The following ARHGAP39 variants were observed in gnomAD, a reference collection of about 807,000 sequenced individuals.
ARHGAP39 encodes the protein Rho GTPase activating protein 39, also known as rho GTPase-activating protein 39.
In ARHGAP39, 44 loss-of-function variants were observed where a neutral mutation model predicts 106.9. The observed-to-expected ratio is 0.41, with a 90% CI of 0.32 to 0.53. The LOEUF (loss-of-function observed/expected upper bound fraction) is 0.53, where lower values mean the gene tolerates loss of function less well. Ranked by LOEUF, ARHGAP39 falls within the 20% of genes least tolerant of loss-of-function variation. The pLI is 0.21. For synonymous variants in ARHGAP39, 768 were observed against 693.2 expected (o/e 1.11, Z -1.69); for missense variants, 1,496 against 1,577.3 (o/e 0.95, Z 0.87).
Position 144,534,152 on chromosome 8 carries a change from C to T in ARHGAP39, c.2665G>A (p.Ala889Thr). The change falls in exon 8 of 12, where the codon GCA becomes ACA. Residue 889 changes from alanine (A) to threonine (T), a missense_variant. Transcript: ENST00000377307. ...ACCTTCTTGGCCCCGGTCAGGGCTG[C>T]CTTCTGTAGCTTGTGGTAACAGTAC... The part of the protein sequence containing the change: ...AKYCYHKLQK[A>T]ALTGAKKGLK... 1 of 1,613,324 alleles carries T rather than the reference C, an allele frequency of 6.2e-7. No homozygotes were observed.
intron 1 of ARHGAP39, among the ~76,000 whole-genome samples, chr8:144,621,449 G>A (rs1039688092): frequency 2.0e-5 from 3 of 152,230 alleles, no homozygotes; most frequent in African/African-American, 7.2e-5. Context: ...AGGGTCCGGA[G>A]TCAAGGTGCC....
chr8:144,674,155 G>GT (rs1822172852), intron 1 of ARHGAP39, among the ~76,000 whole-genome samples: 1 of 152,046 alleles, frequency 6.6e-6, no homozygotes, highest in East Asian at 1.9e-4. Context: ...GGGAGTGTGT[G>GT]TTTCAGCCCT....
rs115237444 is a variant in ARHGAP39 at position 144,628,867 on chromosome 8, G to A, written c.-81-23172C>T. ...CGCTGTGCCTGGGCGGGACTCATGC[G>A]ATTCTTGTGATGGCAGGCGTGTCTC... On this transcript the variant is annotated intron_variant, in intron 1 of 11. Coordinates refer to ENST00000377307, the MANE Select transcript of ARHGAP39 (RefSeq NM_025251.3). Among the ~76,000 whole-genome samples, 652 of 152,298 alleles carry A rather than the reference G, an allele frequency of 4.3e-3. 7 individuals carry two copies. Among genetic ancestry groups the A allele is most frequent in the African/African-American group, 0.015 (610 of 41,564 alleles).
At chr8:144,562,095 CT>C (rs1818199644) in intron 3 of ARHGAP39, among the ~76,000 whole-genome samples, 1 of 129,120 alleles carries the variant, frequency 7.7e-6, no homozygotes. Flanking sequence ...ATCGGACTTA[CT>C]CCAGTGGTTT....
chr8:144,698,697 T>C, the ARHGAP39 span: 2 of 362,846 alleles, frequency 5.5e-6, no homozygotes, highest in South Asian at 4.0e-5. Context: ...CCATATTTTC[T>C]TGGCTTTTCC....
At chr8:144,572,711 T>G (rs183163147) in intron 3 of ARHGAP39, among the ~76,000 whole-genome samples, 15 of 151,870 alleles carry the variant, frequency 9.9e-5, no homozygotes, top group Non-Finnish European at 7.4e-5. Context: ...TGGGAGAAAA[T>G]TTTTGCAATC....
intron 2 of ARHGAP39, among the ~76,000 whole-genome samples, chr8:144,601,587 GGTGT>G (rs1301631979): frequency 2.3e-5 from 3 of 127,682 alleles, no homozygotes; most frequent in African/African-American, 8.8e-5. Flanking sequence ...TGTGCGTGGA[GGTGT>G]GTGTGCGAGC....
intron 1 of ARHGAP39, among the ~76,000 whole-genome samples, chr8:144,648,937 G>T (rs114785284): frequency 1.3e-5 from 2 of 151,904 alleles, no homozygotes; most frequent in African/African-American, 2.4e-5. Flanking sequence ...CATCACAACC[G>T]AAAGAATCAG....
In ARHGAP39 at chr8:144,646,585, G is replaced by A. The variant is rs913345933; in HGVS notation, c.-82+39101C>T. On this transcript the variant is annotated intron_variant, in intron 1 of 11. Transcript: ENST00000377307. The surrounding 1 kb of genome is among the most constrained non-coding windows in gnomAD (Gnocchi z 5.7). The stretch of plus-strand genomic sequence containing the variant: ...ACAGGCTGGCGGGCATGGAAGCCTC[G>A]TCCTTTCTGCACCACCGCACAATGT... Among the ~76,000 whole-genome samples, 63 of 152,146 alleles carry A rather than the reference G, an allele frequency of 4.1e-4. No homozygotes were observed. Among genetic ancestry groups the A allele is most frequent in the African/African-American group, 8.2e-4 (34 of 41,432 alleles).
chr8:144,598,902 T>G (rs548987663), intron 2 of ARHGAP39, among the ~76,000 whole-genome samples: 1 of 152,144 alleles, frequency 6.6e-6, no homozygotes, highest in African/African-American at 2.4e-5. Flanking sequence ...AATATATAAA[T>G]TTGAGCATGA....
At chr8:144,619,689 CA>C (rs1211243262) in intron 1 of ARHGAP39, among the ~76,000 whole-genome samples, 1 of 147,320 alleles carries the variant, frequency 6.8e-6, no homozygotes, top group Non-Finnish European at 1.5e-5. Flanking sequence ...TGCCTGTGTG[CA>C]TGAGAGCTTG....
Position 144,548,571 on chromosome 8 carries a change from G to A in ARHGAP39, c.597-82C>T. On this transcript the variant is annotated intron_variant, in intron 4 of 11. Transcript: ENST00000377307. This position sits in a 1 kb window ranked among gnomAD's most constrained non-coding sequence, Gnocchi z 7.4. ...CCCACCCCCTCGGGGGCTGTAGGCA[G>A]CGGCTCCCGCGAACCCTCTGTTGTA... 6.7e-7 allele frequency: 1 copy of A among 1,493,572 alleles called. No individual in the cohort carries two copies. Among genetic ancestry groups the A allele is most frequent in the Non-Finnish European group, 8.9e-7 (1 of 1,121,394 alleles). 92.5% of individuals were successfully genotyped at this position (1,493,572 alleles called of 1,614,324 possible).
At chr8:144,560,104 T>C (rs1818086701) in intron 3 of ARHGAP39, among the ~76,000 whole-genome samples, 1 of 152,244 alleles carries the variant, frequency 6.6e-6, no homozygotes, top group Non-Finnish European at 1.5e-5. Flanking sequence ...AATAAAAAGG[T>C]CATTTTAAAA....
upstream of ARHGAP39, among the ~76,000 whole-genome samples, chr8:144,689,453 T>C (rs1483125104): frequency 7.0e-6 from 1 of 142,262 alleles, no homozygotes; most frequent in African/African-American, 2.6e-5. Flanking sequence ...TTTTTTTTTT[T>C]TGAAAAGGAG....
chr8:144,593,130 T>C (rs1481988627), intron 2 of ARHGAP39, among the ~76,000 whole-genome samples: 2 of 152,226 alleles, frequency 1.3e-5, no homozygotes, highest in African/African-American at 4.8e-5. Flanking sequence ...GAAGCTGCTG[T>C]CAAGGCGGAA....
chr8:144,667,841 G>C (rs958645769), intron 1 of ARHGAP39, among the ~76,000 whole-genome samples: 4 of 152,200 alleles, frequency 2.6e-5, no homozygotes, highest in African/African-American at 7.2e-5. Context: ...AATGTGTTCA[G>C]AGCATAAGCA....
Position 144,675,703 on chromosome 8 carries a change from G to A in ARHGAP39, c.-82+9983C>T, listed in dbSNP as rs183583923. ...TTCAGGAGTGAAACTGCAGACCTTCGTGGTTAGTGTTACAGCTCTTAAAGA... is the reference window on the plus strand; with the variant it reads ...TTCAGGAGTGAAACTGCAGACCTTCATGGTTAGTGTTACAGCTCTTAAAGA... On this transcript the variant is annotated intron_variant, in intron 1 of 11. Coordinates refer to ENST00000377307, the MANE Select transcript of ARHGAP39 (RefSeq NM_025251.3). 5.2e-4 allele frequency among the ~76,000 whole-genome samples: 79 copies of A among 151,290 alleles called. No homozygotes were observed. In the East Asian group the frequency reaches 0.011, roughly 20 times the overall value.
At chr8:144,686,976 AC>A (rs1480009159), upstream of ARHGAP39, among the ~76,000 whole-genome samples, 259 of 62,056 alleles carry the variant, frequency 4.2e-3, 9 homozygotes, top group Middle Eastern at 9.4e-3. Flanking sequence ...AGCACTTCCC[AC>A]CCCCGTGACC....
In ARHGAP39 at chr8:144,543,481, T is replaced by C. The variant is rs565035644; in HGVS notation, c.2521+1768A>G. ...CTGGGGCTGGAGATGAGGTTCTGGCTGTGAGGGTGGCCACAGTACCACAGC... is the reference window on the plus strand; with the variant it reads ...CTGGGGCTGGAGATGAGGTTCTGGCCGTGAGGGTGGCCACAGTACCACAGC... On this transcript the variant is annotated intron_variant, in intron 6 of 11. Transcript: ENST00000377307. Among the ~76,000 whole-genome samples, 8 of 152,308 alleles carry C rather than the reference T, an allele frequency of 5.3e-5. No homozygotes were observed. The East Asian group carries it at 1.5e-3, about 29-fold the overall frequency.
Sources: allele counts gnomAD v4.1 joint callset (sites outside exome capture counted in the v4.1 genomes callset), GRCh38; gene constraint gnomAD v4.1.1; non-coding constraint Gnocchi (gnomAD v3.1); transcripts MANE v1.5; gene names NCBI Gene and HGNC (gene_info 2026-07-23, HGNC 2026-07-21).